OPHN1: variants seen among roughly 807,000 people sequenced by gnomAD.
OPHN1 encodes the protein oligophrenin-1.
A neutral mutation model predicts 60.7 loss-of-function variants in OPHN1; 11 were observed. The observed-to-expected ratio is 0.18, with a 90% confidence interval of 0.11 to 0.30. OPHN1 has a LOEUF of 0.30. Among genes scored for constraint, OPHN1 ranks in the 10% least tolerant of loss-of-function variants. OPHN1 has a pLI of 1.00. For missense variants in OPHN1, 449 were observed against 611.0 expected, an observed-to-expected ratio of 0.73 and a Z score of 2.80; for synonymous variants, 226 against 222.6, an observed-to-expected ratio of 1.02 and a Z score of -0.14.
intron 2 of OPHN1, among the ~76,000 whole-genome samples, chrX:68,327,522 G>T (rs1418916065): frequency 1.5e-4 from 5 of 33,729 alleles, no homozygotes; most frequent in Non-Finnish European, 2.4e-4. Context: ...GTCCACTCAG[G>T]GTTAGATGGA....
chrX:68,070,570 G>A, intron 20 of OPHN1: 2 of 641,809 alleles, frequency 3.1e-6, no homozygotes, highest in Non-Finnish European at 5.3e-6. Context: ...CTGTCCAGGA[G>A]CTCTAAACTG....
rs551740681 is a variant in OPHN1 at position 68,146,481 on chromosome X, C to T, written c.1277-27149G>A. 2.1e-4 allele frequency among the ~76,000 whole-genome samples: 23 copies of T among 112,109 alleles called. 1 individual carries two copies. Among genetic ancestry groups the T allele is most frequent in the African/African-American group, 7.1e-4 (22 of 30,943 alleles). On this transcript the variant is annotated intron_variant, in intron 15 of 24. Coordinates refer to ENST00000355520, the MANE Select transcript of OPHN1 (RefSeq NM_002547.3). ...CAACATACCAACCTTATCTGAGAAC[C>T]TGACTTTGTACTTTATTTTATATAA...
At chrX:68,155,637 T>C (rs929500273) in intron 15 of OPHN1, among the ~76,000 whole-genome samples, 1 of 112,101 alleles carries the variant, frequency 8.9e-6, no homozygotes, top group African/African-American at 3.2e-5. Context: ...TTCAGAAATT[T>C]TGATTCTCAG....
At chrX:68,399,802 C>T (rs1261313703) in intron 2 of OPHN1, among the ~76,000 whole-genome samples, 1 of 106,181 alleles carries the variant, frequency 9.4e-6, no homozygotes, top group African/African-American at 3.3e-5. Flanking sequence ...CTACATTGGT[C>T]TTGTTTTAGT....
intron 3 of OPHN1, among the ~76,000 whole-genome samples, chrX:68,283,462 G>A (rs925897037): frequency 9.0e-6 from 1 of 111,654 alleles, no homozygotes; most frequent in Non-Finnish European, 1.9e-5. Flanking sequence ...ACCCTGAAAC[G>A]AGTTTGGATC....
At chrX:68,393,885 G>GTTTGTTTTTT (rs2078667077) in intron 2 of OPHN1, among the ~76,000 whole-genome samples, 59 of 34,597 alleles carry the variant, frequency 1.7e-3, no homozygotes, top group Non-Finnish European at 2.7e-3. Flanking sequence ...AATAGACTTT[G>GTTTGTTTTTT]TTTTTTTTTT....
intron 3 of OPHN1, among the ~76,000 whole-genome samples, chrX:68,285,484 T>A (rs1222151824): frequency 4.5e-5 from 5 of 111,789 alleles, no homozygotes; most frequent in Non-Finnish European, 9.4e-5. Flanking sequence ...TCTGTTATTT[T>A]CTTTCATTAG....
chrX:68,365,989 A>C (rs967053832), intron 2 of OPHN1, among the ~76,000 whole-genome samples: 4 of 109,977 alleles, frequency 3.6e-5, no homozygotes, highest in Non-Finnish European at 7.6e-5. Flanking sequence ...CAAAAAAAAA[A>C]AACAAATTCC....
intron 24 of OPHN1, 76 bp downstream of exon 24, chrX:68,048,340 G>T: frequency 3.2e-6 from 3 of 936,370 alleles, no homozygotes; most frequent in Non-Finnish European, 4.6e-6. Context: ...TGTTATTCCA[G>T]TCCTCAAAAT....
chrX:68,103,683 G>T (rs1343030256), intron 18 of OPHN1, among the ~76,000 whole-genome samples: 2 of 109,767 alleles, frequency 1.8e-5, no homozygotes, highest in Non-Finnish European at 3.8e-5. Context: ...AAAATAGTAA[G>T]AGCTATTTAT....
At chrX:68,306,719 C>T (rs1235066143) in intron 2 of OPHN1, among the ~76,000 whole-genome samples, 2 of 111,059 alleles carry the variant, frequency 1.8e-5, no homozygotes, top group East Asian at 2.8e-4. Flanking sequence ...CTACTTTTTC[C>T]CCAAATTCAT....
intron 17 of OPHN1, chrX:68,112,526 C>T (rs188821956): frequency 1.7e-3 from 197 of 115,364 alleles, no homozygotes; most frequent in African/African-American, 3.1e-3. Context: ...TCAACAAAGA[C>T]GCATTATGAT....
intron 5 of OPHN1, among the ~76,000 whole-genome samples, chrX:68,264,601 C>A (rs929888084): frequency 3.6e-5 from 4 of 111,786 alleles, no homozygotes; most frequent in Non-Finnish European, 5.6e-5. Flanking sequence ...CCAGTGTGTG[C>A]GACGTAGAAG....
intron 21 of OPHN1, among the ~76,000 whole-genome samples, chrX:68,061,141 C>T (rs887831598): frequency 4.5e-5 from 5 of 112,147 alleles, no homozygotes; most frequent in African/African-American, 1.6e-4. Context: ...AAAGCTGCAT[C>T]GTGCCAGCCT....
At chrX:68,349,776 G>A (rs755778128) in intron 2 of OPHN1, among the ~76,000 whole-genome samples, 1 of 111,200 alleles carries the variant, frequency 9.0e-6, no homozygotes, top group African/African-American at 3.3e-5. Flanking sequence ...GGATGAAGCT[G>A]GAAACCATCA....
chrX:68,389,984 C>T (rs894018408), intron 2 of OPHN1, among the ~76,000 whole-genome samples: 2 of 111,503 alleles, frequency 1.8e-5, no homozygotes, highest in African/African-American at 6.5e-5. Flanking sequence ...AGGAAACTTA[C>T]AACAGAAGGG....
Position 68,423,768 on chromosome X carries a change from T to C in OPHN1, c.154+9099A>G, listed in dbSNP as rs150367389. Among the ~76,000 whole-genome samples, 744 of 112,392 alleles carry C rather than the reference T, an allele frequency of 6.6e-3. 7 individuals are homozygous for C. The highest frequency in any genetic ancestry group is 0.023 in the African/African-American group (716 of 30,952). ...CATGTGTCAGTACTTCATTACTTTT[T>C]ATTGCCAAATACTATTCCATTGTAT... On this transcript the variant is annotated intron_variant, in intron 2 of 24. Transcript: ENST00000355520.
intron 3 of OPHN1, among the ~76,000 whole-genome samples, chrX:68,291,400 C>T (rs2078070312): frequency 8.9e-6 from 1 of 111,965 alleles, no homozygotes; most frequent in African/African-American, 3.2e-5. Flanking sequence ...CCCTGGCTGG[C>T]ACTTAACCAG....
chrX:68,098,846 A>G (rs1162013791), intron 18 of OPHN1, among the ~76,000 whole-genome samples: 1 of 111,432 alleles, frequency 9.0e-6, no homozygotes, highest in Non-Finnish European at 1.9e-5. Context: ...CCAGCAGCTC[A>G]CAGAATCATC....
Sources: gnomAD v4.1 joint callset for allele counts (sites outside exome capture counted in the v4.1 genomes callset) on GRCh38, gnomAD v4.1.1 for gene constraint, MANE v1.5 for transcripts, NCBI Gene and HGNC (gene_info 2026-07-23, HGNC 2026-07-21) for gene names.